Variants in POU6F2 observed in about 807,000 individuals in gnomAD.
POU6F2 encodes the protein POU class 6 homeobox 2.
A neutral mutation model predicts 71.3 loss-of-function variants in POU6F2; 31 were observed. That is an observed-to-expected ratio of 0.43 (90% CI 0.33 to 0.59). The LOEUF is 0.59. POU6F2 is among the 20% of genes least tolerant of loss of function. The probability of loss-of-function intolerance (pLI) is 0.04; values close to 1 mark genes in which losing one functional copy is unlikely to be tolerated. For synonymous variants in POU6F2, 347 were observed against 355.7 expected, an observed-to-expected ratio of 0.98 and a Z score of 0.27; for missense variants, 783 against 856.8, an observed-to-expected ratio of 0.91 and a Z score of 1.07.
chr7:39,241,648 C>G (rs892662004), intron 4 of POU6F2, among the ~76,000 whole-genome samples: 1 of 152,088 alleles, frequency 6.6e-6, no homozygotes, highest in African/African-American at 2.4e-5. Context: ...CAGTAGGGGA[C>G]AGTTATTAAG....
chr7:39,199,319 G>A (rs1033925222), intron 2 of POU6F2, among the ~76,000 whole-genome samples: 1 of 151,994 alleles, frequency 6.6e-6, no homozygotes, highest in Admixed American at 6.6e-5. Context: ...TATACTCTCG[G>A]GATTAAAAAG....
chr7:39,398,169 A>G (rs1184188683), intron 5 of POU6F2, among the ~76,000 whole-genome samples: 1 of 152,138 alleles, frequency 6.6e-6, no homozygotes, highest in Non-Finnish European at 1.5e-5. Context: ...CACTCGATAA[A>G]CATTTATTGA....
intron 4 of POU6F2, among the ~76,000 whole-genome samples, chr7:39,288,276 C>A (rs183643264): frequency 6.6e-6 from 1 of 152,104 alleles, no homozygotes; most frequent in Admixed American, 6.5e-5. Context: ...TAAGACAGAC[C>A]TGAGTTCAAA....
rs565980857 is a variant in POU6F2 at position 39,248,289 on chromosome 7, A to G, written c.598+40669A>G. 3.3e-5 allele frequency among the ~76,000 whole-genome samples: 5 copies of G among 152,328 alleles called. No homozygotes were observed. The South Asian group carries it at 1.0e-3, about 32-fold the overall frequency. On this transcript the variant is annotated intron_variant, in intron 4 of 9. Coordinates refer to ENST00000518318, the MANE Select transcript of POU6F2 (RefSeq NM_001370959.1). ...CATCAACAAAGGGAAAGTTGCTAAA[A>G]TGGCATCTTCCTAATTAAACAAAAC... is the stretch of plus-strand genomic sequence containing the variant.
At chr7:39,126,596 G>A (rs1171769735) in intron 2 of POU6F2, among the ~76,000 whole-genome samples, 16 of 152,112 alleles carry the variant, frequency 1.1e-4, no homozygotes, top group Admixed American at 1.0e-3. Flanking sequence ...GTTTAGAAAT[G>A]AAAATAATTA....
intron 4 of POU6F2, among the ~76,000 whole-genome samples, chr7:39,281,170 T>C (rs996743270): frequency 6.6e-5 from 10 of 152,336 alleles, no homozygotes; most frequent in Non-Finnish European, 1.2e-4. Context: ...TTGTTTTTGA[T>C]TGATATATAA....
At chr7:39,138,623 G>A (rs1792434011) in intron 2 of POU6F2, among the ~76,000 whole-genome samples, 1 of 152,202 alleles carries the variant, frequency 6.6e-6, no homozygotes, top group Admixed American at 6.5e-5. Flanking sequence ...GGACCATCTA[G>A]TTGAAAGAAA....
At chr7:39,124,322 G>T (rs2392619) in intron 2 of POU6F2, among the ~76,000 whole-genome samples, 59,209 of 152,048 alleles carry the variant, frequency 0.39, 12,134 homozygotes, top group African/African-American at 0.5. Flanking sequence ...TGGGATTACA[G>T]GCATAAGCCA....
intron 1 of POU6F2, among the ~76,000 whole-genome samples, chr7:39,076,117 T>A (rs1441970148): frequency 3.9e-5 from 6 of 152,168 alleles, no homozygotes; most frequent in Non-Finnish European, 8.8e-5. Context: ...GCTGAAAATA[T>A]CAACCAAAGC....
At chr7:39,418,573 C>G (rs1583586826) in intron 6 of POU6F2, among the ~76,000 whole-genome samples, 1 of 151,982 alleles carries the variant, frequency 6.6e-6, no homozygotes, top group East Asian at 1.9e-4. Context: ...ACCTGTAGTC[C>G]CAGCTACTTG....
intron 4 of POU6F2, among the ~76,000 whole-genome samples, chr7:39,284,678 A>G (rs575905952): frequency 2.9e-4 from 44 of 152,292 alleles, no homozygotes; most frequent in Non-Finnish European, 5.1e-4. Context: ...CTAGCTTTCA[A>G]ATACTTTCTG....
intron 2 of POU6F2, among the ~76,000 whole-genome samples, chr7:39,159,387 C>T (rs1035992571): frequency 6.6e-6 from 1 of 152,156 alleles, no homozygotes; most frequent in Non-Finnish European, 1.5e-5. Flanking sequence ...AGGTATTAGA[C>T]AAAAGCTCCC....
intron 8 of POU6F2, among the ~76,000 whole-genome samples, chr7:39,453,224 A>G (rs1297449652): frequency 1.3e-5 from 2 of 152,218 alleles, no homozygotes; most frequent in African/African-American, 4.8e-5. Context: ...GTTTAGATAT[A>G]CAACCCTCTC....
At chr7:39,280,184 A>G (rs1412007509) in intron 4 of POU6F2, among the ~76,000 whole-genome samples, 1 of 152,202 alleles carries the variant, frequency 6.6e-6, no homozygotes, top group African/African-American at 2.4e-5. Flanking sequence ...AGACTTCGAC[A>G]TATCTTTTTG....
chr7:39,141,324 C>T (rs566013136), intron 2 of POU6F2, among the ~76,000 whole-genome samples: 40 of 152,198 alleles, frequency 2.6e-4, no homozygotes, highest in East Asian at 7.7e-4. Flanking sequence ...TATAAGGAAG[C>T]AGTTGGAGGG....
intron 2 of POU6F2, among the ~76,000 whole-genome samples, chr7:39,105,789 C>G (rs6945547): frequency 0.27 from 40,448 of 151,926 alleles, 5,639 homozygotes; most frequent in East Asian, 0.55. Flanking sequence ...GTACTGAATT[C>G]TTTTCACTAT....
intron 4 of POU6F2, among the ~76,000 whole-genome samples, chr7:39,244,464 A>T (rs183209883): frequency 6.6e-6 from 1 of 152,164 alleles, no homozygotes; most frequent in African/African-American, 2.4e-5. Context: ...GAATAAGAAT[A>T]TTTATGTTTA....
intron 2 of POU6F2, among the ~76,000 whole-genome samples, chr7:39,092,485 T>A (rs1791378437): frequency 6.6e-6 from 1 of 152,234 alleles, no homozygotes; most frequent in South Asian, 2.1e-4. Context: ...TTTAATTTTT[T>A]ATATGGTATT....
chr7:39,040,575 A>T (rs945729353), intron 1 of POU6F2, among the ~76,000 whole-genome samples: 5 of 151,928 alleles, frequency 3.3e-5, no homozygotes, highest in Non-Finnish European at 5.9e-5. Context: ...AGAAGAAAAC[A>T]ACTGGAAAAA....
Sources: allele counts gnomAD v4.1 joint callset (sites outside exome capture counted in the v4.1 genomes callset), GRCh38; gene constraint gnomAD v4.1.1; transcripts MANE v1.5; gene names NCBI Gene and HGNC (gene_info 2026-07-23, HGNC 2026-07-21).